The following SMARCAD1 variants were observed in gnomAD, a reference collection of about 807,000 sequenced individuals.
SMARCAD1 encodes SNF2 related chromatin remodeling ATPase with DExD box 1, also known as SWI/SNF-related matrix-associated actin-dependent regulator of chromatin subfamily A containing DEAD/H box 1.
In SMARCAD1, 25 loss-of-function variants were observed where a neutral mutation model predicts 127.1. That is an observed-to-expected ratio of 0.20 (90% CI 0.14 to 0.27). The LOEUF is 0.27. Ranked by LOEUF, SMARCAD1 falls within the 10% of genes least tolerant of loss-of-function variation. The pLI is 1.00. For missense variants in SMARCAD1, 807 were observed against 1,206.0 expected (o/e 0.67, Z 4.90); for synonymous variants, 400 against 396.9 (o/e 1.01, Z -0.09).
At chr4:94,245,609 A>G (rs541524411) in intron 6 of SMARCAD1, among the ~76,000 whole-genome samples, 1 of 152,350 alleles carries the variant, frequency 6.6e-6, no homozygotes, top group Admixed American at 6.5e-5. Flanking sequence ...ATTCATTTTC[A>G]GATAACCTGT....
At chr4:94,287,958 C>T (rs144323304) in intron 23 of SMARCAD1, among the ~76,000 whole-genome samples, 13 of 151,886 alleles carry the variant, frequency 8.6e-5, no homozygotes, top group Middle Eastern at 3.4e-3. Flanking sequence ...CAAAACCAGC[C>T]TGGGCAACAT....
chr4:94,232,985 AAG>A (rs1746081077), intron 3 of SMARCAD1, among the ~76,000 whole-genome samples: 2 of 152,328 alleles, frequency 1.3e-5, no homozygotes, highest in Admixed American at 6.5e-5. Context: ...GTCTCAAAAA[AAG>A]AAAAAACACA....
At position 94,252,882 on chromosome 4, in the gene SMARCAD1, A is replaced by G. The variant is rs1749496214; in HGVS notation, c.1156A>G (p.Lys386Glu). 5.0e-6 allele frequency: 8 copies of G among 1,614,010 alleles called. No homozygotes were observed. Among genetic ancestry groups the G allele is most frequent in the African/African-American group, 2.7e-5 (2 of 74,930 alleles). ...SGEEVMEDGY[K>E]GKILHFLQDA... ...TGAAGAAGTGATGGAGGATGGCTAT[A>G]AAGGTAAAATTCTTCACTTCCTTCA... Residue 386 changes from lysine (K) to glutamate (E), a missense_variant, in exon 9 of 24, where the codon AAA becomes GAA. Transcript: ENST00000354268.
chr4:94,242,976 CT>C (rs1245530950), intron 6 of SMARCAD1, among the ~76,000 whole-genome samples: 1 of 152,128 alleles, frequency 6.6e-6, no homozygotes, highest in Non-Finnish European at 1.5e-5. Flanking sequence ...AGAATTTTCT[CT>C]TTTCTTTCTT....
rs576390348 is a variant in SMARCAD1 at position 94,266,444 on chromosome 4, T to G, written c.1481+1538T>G. 2.0e-4 allele frequency among the ~76,000 whole-genome samples: 30 copies of G among 152,232 alleles called. No individual in the cohort carries two copies. In the East Asian group the frequency reaches 2.7e-3, roughly 14 times the overall value. On this transcript the variant is annotated intron_variant, in intron 10 of 23. Transcript: ENST00000354268. The stretch of plus-strand genomic sequence containing the variant: ...GAGAAAAATAGTTGTTGTTGTTGTT[T>G]TTTTAAGTGCTTGTTGGATCTTATC...
rs920270829 is a variant in SMARCAD1, at chr4:94,229,242, G to T, written c.368+2946G>T. ...TCACTCAGTAGTTGTAGTATCTATT[G>T]ATTTTTGTCGGATTAATTTATGATA... On this transcript the variant is annotated intron_variant, in intron 3 of 23. Transcript: ENST00000354268. 2.0e-5 allele frequency among the ~76,000 whole-genome samples: 3 copies of T among 152,164 alleles called. No homozygotes were observed. The East Asian group carries it at 5.8e-4, about 29-fold the overall frequency.
chr4:94,230,445 C>T (rs930705398), intron 3 of SMARCAD1, among the ~76,000 whole-genome samples: 2 of 152,082 alleles, frequency 1.3e-5, no homozygotes, highest in Non-Finnish European at 2.9e-5. Flanking sequence ...ATTGTGTGAA[C>T]ATTCCTTATT....
Position 94,289,630 on chromosome 4 carries a change from A to G in SMARCAD1, c.*96A>G. On this transcript the variant is annotated 3_prime_UTR_variant, in exon 24 of 24. Transcript: ENST00000354268. ...ATGACCATGGGGTTTATGAACATTT[A>G]TAACTTTTTATAATTTCCATATTAC... The G allele has an allele frequency of 1.8e-6, 2 of 1,114,418 alleles. No homozygotes were observed. Among genetic ancestry groups the G allele is most frequent in the South Asian group, 1.2e-5 (1 of 80,696 alleles). The allele number at this position is 1,114,418 out of a possible 1,614,324, so 69.0% of individuals were successfully genotyped here. A position where few individuals can be genotyped will look rare whatever the true frequency, so the allele number is the denominator to read the frequency against.
intron 2 of SMARCAD1, among the ~76,000 whole-genome samples, chr4:94,210,255 TAAG>T (rs1741986369): frequency 6.6e-6 from 1 of 152,194 alleles, no homozygotes; most frequent in African/African-American, 2.4e-5. Context: ...CTTCGGGAAA[TAAG>T]AAAACTAAGT....
At chr4:94,210,176 T>A (rs534686023) in intron 2 of SMARCAD1, among the ~76,000 whole-genome samples, 2 of 152,220 alleles carry the variant, frequency 1.3e-5, no homozygotes, top group Non-Finnish European at 2.9e-5. Flanking sequence ...TTATTGGGAC[T>A]TTTTTCCATA....
intron 3 of SMARCAD1, 147 bp from the exon 4 acceptor site, chr4:94,233,807 A>C: frequency 1.2e-6 from 1 of 834,786 alleles, no homozygotes; most frequent in Non-Finnish European, 1.8e-6. Context: ...AATGGAAAAA[A>C]AAGGTCTCTT....
intron 11 of SMARCAD1, among the ~76,000 whole-genome samples, chr4:94,272,267 A>G (rs1002642373): frequency 6.6e-6 from 1 of 152,016 alleles, no homozygotes; most frequent in Non-Finnish European, 1.5e-5. Flanking sequence ...TGAGGTTACG[A>G]CTCCAACGTA....
intron 15 of SMARCAD1, 130 bp from the exon 16 acceptor site, chr4:94,276,892 C>A: frequency 1.0e-6 from 1 of 958,948 alleles, no homozygotes; most frequent in Admixed American, 2.3e-5. Context: ...TATCATTTAT[C>A]ACAGAATGTT....
chr4:94,229,126 G>A (rs1745443248), intron 3 of SMARCAD1, among the ~76,000 whole-genome samples: 1 of 152,068 alleles, frequency 6.6e-6, no homozygotes, highest in African/African-American at 2.4e-5. Flanking sequence ...GGTTTTGTCT[G>A]TCAAGTTACC....
At chr4:94,240,284 A>G (rs1459469463) in intron 5 of SMARCAD1, among the ~76,000 whole-genome samples, 3 of 152,200 alleles carry the variant, frequency 2.0e-5, no homozygotes, top group Non-Finnish European at 4.4e-5. Flanking sequence ...ATGTAGCTCT[A>G]GTTTGTTTTC....
chr4:94,269,583 A>G (rs546398524), intron 10 of SMARCAD1, among the ~76,000 whole-genome samples: 60 of 151,894 alleles, frequency 4.0e-4, no homozygotes, highest in African/African-American at 1.4e-3. Flanking sequence ...TTGAAAAATG[A>G]TATCTGTGCC....
chr4:94,253,359 G>A, intron 9 of SMARCAD1: 3 of 1,303,808 alleles, frequency 2.3e-6, no homozygotes, highest in Non-Finnish European at 3.0e-6. Flanking sequence ...TTACTGCTGA[G>A]ACACCATGCA....
At chr4:94,286,926 G>A (rs1455373630) in intron 23 of SMARCAD1, among the ~76,000 whole-genome samples, 1 of 152,124 alleles carries the variant, frequency 6.6e-6, no homozygotes, top group African/African-American at 2.4e-5. Context: ...GTGCAGAGGC[G>A]CAATCTCCGC....
chr4:94,275,797 T>TTTTATTTTATTTTATTTCA (rs771113021), intron 14 of SMARCAD1, among the ~76,000 whole-genome samples: 1 of 103,368 alleles, frequency 9.7e-6, no homozygotes, highest in Non-Finnish European at 1.9e-5. Flanking sequence ...TAACATTTTC[T>TTTTATTTTATTTTATTTCA]TTTTTTTTTT....
Sources: allele counts gnomAD v4.1 joint callset (sites outside exome capture counted in the v4.1 genomes callset), GRCh38; gene constraint gnomAD v4.1.1; transcripts MANE v1.5; gene names NCBI Gene and HGNC (gene_info 2026-07-23, HGNC 2026-07-21).